DHDDS: variants seen among roughly 807,000 people sequenced by gnomAD.
DHDDS encodes the protein dehydrodolichyl diphosphate synthase complex subunit DHDDS.
Under a neutral mutation model 46.2 loss-of-function variants are expected in DHDDS, and 16 were observed. The observed-to-expected ratio is 0.35, with a 90% CI of 0.23 to 0.53. The LOEUF (loss-of-function observed/expected upper bound fraction) is 0.53. Ranked by LOEUF, DHDDS falls within the 20% of genes least tolerant of loss-of-function variation. The probability of loss-of-function intolerance (pLI) is 0.94; values close to 1 mark genes in which losing one functional copy is unlikely to be tolerated. For missense variants in DHDDS, 340 were observed against 423.7 expected, an observed-to-expected ratio of 0.80 and a Z score of 1.73; for synonymous variants, 151 against 163.1, an observed-to-expected ratio of 0.93 and a Z score of 0.56.
Position 26,435,259 on chromosome 1 carries a change from C to T in DHDDS, c.63+2251C>T, listed in dbSNP as rs942431854. ...ACTCCTGACCTCGTGATCCACCCGC[C>T]TCGGCCTCCCAAAGTGCTGGGATTA... On this transcript the variant is annotated intron_variant, in intron 2 of 8. Transcript: ENST00000236342. Among the ~76,000 whole-genome samples the T allele has an allele frequency of 2.0e-5, 3 of 152,070 alleles. No individual in the cohort carries two copies. In the East Asian group the frequency reaches 5.8e-4, roughly 30 times the overall value.
intron 7 of DHDDS, among the ~76,000 whole-genome samples, chr1:26,458,323 C>T (rs978429202): frequency 6.6e-6 from 1 of 152,206 alleles, no homozygotes; most frequent in East Asian, 1.9e-4. Flanking sequence ...AAGTCTCTAT[C>T]CCCTGTTAAC....
intron 8 of DHDDS, among the ~76,000 whole-genome samples, chr1:26,463,096 T>C (rs533599540): frequency 6.6e-6 from 1 of 152,126 alleles, no homozygotes; most frequent in African/African-American, 2.4e-5. Context: ...TTGTAGGTCA[T>C]GGTAACAAAG....
intron 8 of DHDDS, among the ~76,000 whole-genome samples, chr1:26,462,327 T>G (rs982793600): frequency 6.6e-6 from 1 of 152,170 alleles, no homozygotes; most frequent in East Asian, 1.9e-4. Flanking sequence ...GGCCGTCATA[T>G]TCTAATGATT....
chr1:26,470,524 G>A lies in DHDDS; in HGVS notation c.*1393G>A, dbSNP rs1307174673. On this transcript the variant is annotated 3_prime_UTR_variant, in exon 9 of 9. Coordinates refer to ENST00000236342, the MANE Select transcript of DHDDS (RefSeq NM_205861.3). ...GGTGAAATCTTGCAAGTTGTAGCAAGAGCACACAGGAAACCCCTAACTTTC... is the reference window on the plus strand; with the variant it reads ...GGTGAAATCTTGCAAGTTGTAGCAAAAGCACACAGGAAACCCCTAACTTTC... The A allele has an allele frequency of 1.3e-5, 2 of 152,080 alleles. No individual in the cohort carries two copies. Among genetic ancestry groups the A allele is most frequent in the Non-Finnish European group, 2.9e-5 (2 of 68,000 alleles). The allele number at this position is 152,080 out of a possible 1,614,324, so 9.4% of individuals were successfully genotyped here.
Position 26,455,513 on chromosome 1 carries a change from G to A in DHDDS, c.543-2278G>A, listed in dbSNP as rs1193652332. On this transcript the variant is annotated intron_variant, in intron 6 of 8. Transcript: ENST00000236342. ...TGTAATCCCAGCACTTTGGGAGGCC[G>A]AGGCAGGCAGATCACTTGAGCTCAG... 5.3e-5 allele frequency among the ~76,000 whole-genome samples: 8 copies of A among 152,130 alleles called. No individual in the cohort carries two copies. Among genetic ancestry groups the A allele is most frequent in the African/African-American group, 1.7e-4 (7 of 41,420 alleles).
chr1:26,458,046 A>T, intron 7 of DHDDS, 141 bp downstream of exon 7: 2 of 724,334 alleles, frequency 2.8e-6, no homozygotes, highest in Non-Finnish European at 4.9e-6. Flanking sequence ...CTGGAGAAGC[A>T]TCTCTAGGCT....
At chr1:26,463,212 A>G (rs774120374) in intron 8 of DHDDS, among the ~76,000 whole-genome samples, 3 of 152,200 alleles carry the variant, frequency 2.0e-5, no homozygotes, top group Admixed American at 6.5e-5. Context: ...GAACTCCTGC[A>G]GTAGTCCAGG....
At chr1:26,443,806 G>A (rs943228741) in intron 4 of DHDDS, among the ~76,000 whole-genome samples, 2 of 152,178 alleles carry the variant, frequency 1.3e-5, no homozygotes, top group Non-Finnish European at 2.9e-5. Flanking sequence ...TAAGGAGCCG[G>A]GGATGGAGGC....
chr1:26,442,599 A>G (rs1330880075), intron 3 of DHDDS, 132 bp from the exon 4 acceptor site: 1 of 1,047,994 alleles, frequency 9.5e-7, no homozygotes, highest in East Asian at 2.4e-5. Flanking sequence ...ATGTTATCCT[A>G]GCTTCACCCA....
At chr1:26,434,789 G>C (rs1289286243) in intron 2 of DHDDS, among the ~76,000 whole-genome samples, 2 of 151,132 alleles carry the variant, frequency 1.3e-5, no homozygotes, top group Non-Finnish European at 2.9e-5. Context: ...AAGTAGCTGG[G>C]ATTATAGGCA....
At chr1:26,466,808 G>A (rs930037018) in intron 8 of DHDDS, among the ~76,000 whole-genome samples, 2 of 152,208 alleles carry the variant, frequency 1.3e-5, no homozygotes, top group African/African-American at 4.8e-5. Context: ...TAATAGCCAA[G>A]CAGTAGGCTG....
chr1:26,432,762 A>G (rs766624900), intron 1 of DHDDS, 129 bp from the exon 2 acceptor site: 9 of 639,960 alleles, frequency 1.4e-5, no homozygotes, highest in Non-Finnish European at 2.2e-5. Context: ...GTAAAAGATT[A>G]TAGGCTTAGA....
At chr1:26,463,299 TGAAATA>T (rs1333831213) in intron 8 of DHDDS, 1 of 152,136 alleles carries the variant, frequency 6.6e-6, no homozygotes, top group African/African-American at 2.4e-5. Context: ...AAACAAATGT[TGAAATA>T]GAAACAAGTG....
Position 26,442,858 on chromosome 1 carries a change from G to A in DHDDS, c.308G>A (p.Arg103His), listed in dbSNP as rs115712846. Residue 103 changes from arginine to histidine, a missense_variant, in exon 4 of 9, where the codon CGC (arginine) becomes CAC (histidine). By Grantham distance (29) the Arg-to-His change is conservative. Around this residue, in one of 2 missense-constraint regions of DHDDS, gnomAD observed 268 missense variants for 300.3 expected, o/e 0.89. Coordinates refer to ENST00000236342, the MANE Select transcript of DHDDS (RefSeq NM_205861.3). The stretch of plus-strand genomic sequence containing the variant: ...GATCTGGCCCGGCAGAAGTTCAGCC[G>A]CTTGATGGAAGAAAAGTAAGATGCT... ...LMDLARQKFS[R>H]LMEEKEKLQK... 3.4e-5 allele frequency: 55 copies of A among 1,614,050 alleles called. No homozygotes were observed. The highest frequency in any genetic ancestry group is 6.7e-5 in the African/African-American group (5 of 75,004).
chr1:26,446,211 A>G (rs770575946), intron 4 of DHDDS, 105 bp from the exon 5 acceptor site: 162 of 884,748 alleles, frequency 1.8e-4, no homozygotes, highest in Non-Finnish European at 2.6e-4. Context: ...GGTCTGACAC[A>G]CAGGAAAGCA....
At chr1:26,457,295 C>T (rs1189842995) in intron 6 of DHDDS, among the ~76,000 whole-genome samples, 1 of 143,588 alleles carries the variant, frequency 7.0e-6, no homozygotes, top group African/African-American at 2.6e-5. Context: ...CCTGTCTCTA[C>T]TAAAAATACA....
intron 8 of DHDDS, among the ~76,000 whole-genome samples, chr1:26,460,798 C>T (rs971802906): frequency 3.9e-5 from 6 of 152,124 alleles, no homozygotes; most frequent in Admixed American, 3.3e-4. Context: ...GTTTTGGTGT[C>T]CTCATTTTTC....
intron 4 of DHDDS, 137 bp downstream of exon 4, chr1:26,443,010 A>G: frequency 7.0e-7 from 1 of 1,422,418 alleles, no homozygotes; most frequent in Non-Finnish European, 9.5e-7. Context: ...TTGGGTGGCA[A>G]ATATCAGAAA....
At chr1:26,449,980 G>GA (rs1322801255) in intron 6 of DHDDS, among the ~76,000 whole-genome samples, 2 of 152,208 alleles carry the variant, frequency 1.3e-5, no homozygotes. Context: ...GTTGAACAGA[G>GA]ATGTCAGGTC....
Sources: allele counts gnomAD v4.1 joint callset (sites outside exome capture counted in the v4.1 genomes callset), GRCh38; gene constraint gnomAD v4.1.1; regional missense constraint gnomAD v4.1.1; transcripts MANE v1.5; gene names NCBI Gene and HGNC (gene_info 2026-07-23, HGNC 2026-07-21).